Variants in GLIS3 observed in about 807,000 individuals in gnomAD.
The protein encoded by GLIS3 is zinc finger protein GLIS3.
GLIS3 carries 53 observed loss-of-function variants against 78.6 expected under a neutral mutation model. The observed-to-expected ratio is 0.67, with a 90% CI of 0.54 to 0.85. GLIS3 has a LOEUF of 0.85. Ranked by LOEUF, GLIS3 falls within the 40% of genes least tolerant of loss-of-function variation. The probability of loss-of-function intolerance (pLI) is 0.00; values close to 1 mark genes in which losing one functional copy is unlikely to be tolerated. For synonymous variants in GLIS3, 684 were observed against 509.9 expected (o/e 1.34, Z -4.60); for missense variants, 1,703 against 1,231.1 (o/e 1.38, Z -5.74).
chr9:4,387,129 G>GC, the GLIS3 span, among the ~76,000 whole-genome samples: 1 of 152,156 alleles, frequency 6.6e-6, no homozygotes, highest in East Asian at 1.9e-4. Context: ...GGATACCTAC[G>GC]CTGTCAGAAA....
intron 4 of GLIS3, among the ~76,000 whole-genome samples, chr9:4,062,832 G>A (rs192606703): frequency 1.3e-5 from 2 of 152,214 alleles, no homozygotes; most frequent in Admixed American, 1.3e-4. Context: ...GGGAGGCTGA[G>A]GCAGGAGAAT....
the GLIS3 span, among the ~76,000 whole-genome samples, chr9:4,457,442 T>C: frequency 7.2e-5 from 11 of 151,914 alleles, no homozygotes; most frequent in Admixed American, 6.6e-4. Context: ...GGAAAAGAGA[T>C]ATTTAGTGAG....
intron 4 of GLIS3, among the ~76,000 whole-genome samples, chr9:3,960,769 C>G (rs772866253): frequency 7.9e-5 from 12 of 152,222 alleles, no homozygotes; most frequent in African/African-American, 2.2e-4. Flanking sequence ...GAGGTCAGCA[C>G]TACCCACTGG....
At chr9:4,339,100 G>A (rs1817797657) in intron 2 of GLIS3, among the ~76,000 whole-genome samples, 1 of 152,176 alleles carries the variant, frequency 6.6e-6, no homozygotes. Context: ...ACACTACCTC[G>A]ATATGTTTGG....
chr9:4,294,190 T>C (rs763400835), intron 1 of GLIS3, among the ~76,000 whole-genome samples: 2 of 152,330 alleles, frequency 1.3e-5, no homozygotes, highest in Middle Eastern at 3.4e-3. Context: ...GGGATAATGA[T>C]GCTACTGTGC....
At chr9:3,883,225 T>C (rs1224915973) in intron 7 of GLIS3, among the ~76,000 whole-genome samples, 2 of 152,168 alleles carry the variant, frequency 1.3e-5, no homozygotes, top group Non-Finnish European at 2.9e-5. Context: ...TCTGACCATA[T>C]CACAGTCATG....
chr9:4,297,025 G>A (rs954878830), intron 1 of GLIS3, among the ~76,000 whole-genome samples: 10 of 151,826 alleles, frequency 6.6e-5, no homozygotes, highest in Non-Finnish European at 1.5e-4. Context: ...TTTACAGGTT[G>A]CACCTGCTTC....
At chr9:4,184,796 T>C (rs1817629794) in intron 2 of GLIS3, among the ~76,000 whole-genome samples, 1 of 152,272 alleles carries the variant, frequency 6.6e-6, no homozygotes, top group East Asian at 1.9e-4. Flanking sequence ...TAGATTATTG[T>C]GGGGTGGAGG....
chr9:4,084,721 T>C (rs900438468), intron 4 of GLIS3, among the ~76,000 whole-genome samples: 1 of 152,176 alleles, frequency 6.6e-6, no homozygotes, highest in African/African-American at 2.4e-5. Context: ...ACAGTAAAGC[T>C]GCGCTTCAAG....
chr9:4,182,362 T>C (rs896173718), intron 2 of GLIS3, among the ~76,000 whole-genome samples: 3 of 152,206 alleles, frequency 2.0e-5, no homozygotes, highest in African/African-American at 4.8e-5. Flanking sequence ...CACTCTTAAA[T>C]TGCCTGCATG....
the GLIS3 span, among the ~76,000 whole-genome samples, chr9:4,421,469 T>C: frequency 2.0e-5 from 3 of 152,264 alleles, no homozygotes; most frequent in Non-Finnish European, 4.4e-5. Flanking sequence ...CCATCATACC[T>C]GATCAATTAC....
Position 4,099,579 on chromosome 9 carries a change from A to T in GLIS3, c.1710+18189T>A, listed in dbSNP as rs1830214605. ...CTCTCTAAAGACCGTGTTTTCACATAATGTCACATTCTGAGGTACTGGGGG... is the reference window on the plus strand; with the variant it reads ...CTCTCTAAAGACCGTGTTTTCACATTATGTCACATTCTGAGGTACTGGGGG... On this transcript the variant is annotated intron_variant, in intron 4 of 10. Transcript: ENST00000381971. Among the ~76,000 whole-genome samples, 4 of 152,188 alleles carry T rather than the reference A, an allele frequency of 2.6e-5. No individual in the cohort carries two copies. The South Asian group carries it at 8.3e-4, about 32-fold the overall frequency.
At chr9:4,467,000 G>T in the GLIS3 span, among the ~76,000 whole-genome samples, 1 of 152,202 alleles carries the variant, frequency 6.6e-6, no homozygotes, top group African/African-American at 2.4e-5. Context: ...CACCTGGCTC[G>T]GCGGGTCCCA....
chr9:4,385,811 AAAGAAAGAAAG>A, the GLIS3 span, among the ~76,000 whole-genome samples: 10,095 of 38,592 alleles, frequency 0.26, 908 homozygotes, highest in Non-Finnish European at 0.3. Context: ...GAAAGAAAGA[AAAGAAAGAAAG>A]AGAAAAGAAA....
intron 4 of GLIS3, among the ~76,000 whole-genome samples, chr9:4,083,384 G>C (rs1828723424): frequency 6.6e-6 from 1 of 152,014 alleles, no homozygotes; most frequent in African/African-American, 2.4e-5. Context: ...CCTCTAGGTA[G>C]CTGCTACTAG....
chr9:4,155,818 T>A (rs564133922), intron 2 of GLIS3, among the ~76,000 whole-genome samples: 1 of 152,102 alleles, frequency 6.6e-6, no homozygotes, highest in Non-Finnish European at 1.5e-5. Context: ...ACCTGAGATT[T>A]TGCATTTCTA....
At chr9:4,161,579 T>C (rs1290106585) in intron 2 of GLIS3, among the ~76,000 whole-genome samples, 1 of 151,978 alleles carries the variant, frequency 6.6e-6, no homozygotes, top group African/African-American at 2.4e-5. Context: ...TCACTTGCTG[T>C]ATTAGTTTTC....
the GLIS3 span, among the ~76,000 whole-genome samples, chr9:4,478,090 G>A: frequency 6.6e-6 from 1 of 151,952 alleles, no homozygotes; most frequent in Non-Finnish European, 1.5e-5. Flanking sequence ...CCAGTTTCAG[G>A]GCAAAAAATA....
At chr9:4,347,440 T>C (rs1224500366) in intron 1 of GLIS3, among the ~76,000 whole-genome samples, 1 of 152,142 alleles carries the variant, frequency 6.6e-6, no homozygotes, top group African/African-American at 2.4e-5. Context: ...AAAAAATCTT[T>C]AAAGTATCTG....
Sources: gnomAD v4.1 joint callset for allele counts (sites outside exome capture counted in the v4.1 genomes callset) on GRCh38, gnomAD v4.1.1 for gene constraint, MANE v1.5 for transcripts, NCBI Gene and HGNC (gene_info 2026-07-23, HGNC 2026-07-21) for gene names.